Variants in ST18 observed in about 807,000 individuals in gnomAD.
ST18 encodes ST18 C2H2C-type zinc finger transcription factor, also known as suppression of tumorigenicity 18 protein.
A neutral mutation model predicts 110.0 loss-of-function variants in ST18; 50 were observed. That is an observed-to-expected ratio of 0.45 (90% CI 0.36 to 0.58). The LOEUF (loss-of-function observed/expected upper bound fraction) is 0.58. Among genes scored for constraint, ST18 ranks in the 20% least tolerant of loss-of-function variants. ST18 has a pLI of 0.00. For synonymous variants in ST18, 461 were observed against 452.4 expected (o/e 1.02, Z -0.24); for missense variants, 1,306 against 1,280.1 (o/e 1.02, Z -0.31).
chr8:52,327,859 T>C (rs1368793552), intron 2 of ST18, among the ~76,000 whole-genome samples: 2 of 152,216 alleles, frequency 1.3e-5, no homozygotes. Context: ...CCATTTTAGC[T>C]GTAATTCAGG....
At chr8:52,271,013 C>T (rs1265836428) in intron 2 of ST18, among the ~76,000 whole-genome samples, 5 of 151,942 alleles carry the variant, frequency 3.3e-5, no homozygotes, top group Non-Finnish European at 5.9e-5. Context: ...ATTCTCCTGC[C>T]TCAGCCTCCC....
chr8:52,346,233 C>T (rs1371984056), intron 2 of ST18, among the ~76,000 whole-genome samples: 2 of 150,822 alleles, frequency 1.3e-5, no homozygotes, highest in African/African-American at 2.4e-5. Flanking sequence ...AGAGGACTCT[C>T]TGAAAATTTA....
chr8:52,154,681 A>T (rs2059603109), intron 15 of ST18: 1 of 152,168 alleles, frequency 6.6e-6, no homozygotes. Flanking sequence ...TATTAATTCC[A>T]AATTAAAATG....
chr8:52,377,349 T>C (rs1319848980), intron 2 of ST18, among the ~76,000 whole-genome samples: 1 of 152,216 alleles, frequency 6.6e-6, no homozygotes, highest in African/African-American at 2.4e-5. Flanking sequence ...TAGATCTATG[T>C]GGTGACTGAT....
chr8:52,255,377 C>A (rs1349892209), intron 2 of ST18, among the ~76,000 whole-genome samples: 1 of 152,144 alleles, frequency 6.6e-6, no homozygotes, highest in Admixed American at 6.5e-5. Context: ...AAAAGGCAGT[C>A]TATCCTCCCA....
intron 2 of ST18, among the ~76,000 whole-genome samples, chr8:52,295,963 G>T (rs976027503): frequency 6.6e-6 from 1 of 151,786 alleles, no homozygotes; most frequent in African/African-American, 2.4e-5. Flanking sequence ...GGGATGAGTG[G>T]TGGCAGCCAG....
chr8:52,386,460 T>G (rs912175731), intron 2 of ST18, among the ~76,000 whole-genome samples: 2 of 150,138 alleles, frequency 1.3e-5, no homozygotes, highest in Admixed American at 6.7e-5. Context: ...GGCAGTCTTG[T>G]TTTTTTTTCT....
chr8:52,394,022 G>T (rs536207709), intron 2 of ST18: 2 of 152,256 alleles, frequency 1.3e-5, no homozygotes, highest in Admixed American at 6.5e-5. Context: ...CTACTGCCAA[G>T]ATCATCTAAG....
chr8:52,176,270 G>A (rs1039022078), intron 9 of ST18, among the ~76,000 whole-genome samples: 6 of 152,200 alleles, frequency 3.9e-5, no homozygotes, highest in Admixed American at 2.6e-4. Context: ...TGATCCGCCC[G>A]CCTCGGCCTC....
chr8:52,305,723 C>G (rs1482357238), intron 2 of ST18, among the ~76,000 whole-genome samples: 1 of 152,162 alleles, frequency 6.6e-6, no homozygotes, highest in Non-Finnish European at 1.5e-5. Context: ...ATCCTCTGGG[C>G]TCTTCCTTCA....
At position 52,290,925 on chromosome 8, in the gene ST18, G is replaced by A. The variant is rs868134247; in HGVS notation, c.-464-60848C>T. Among the ~76,000 whole-genome samples the A allele has an allele frequency of 7.9e-5, 12 of 152,286 alleles. No homozygotes were observed. In the East Asian group the frequency reaches 1.2e-3, roughly 15 times the overall value. On this transcript the variant is annotated intron_variant, in intron 2 of 25. Transcript: ENST00000689386. ...ACCAATCGTTCCCCCGGTGAACACC[G>A]TGTTGCAGATCTCCTGGTGGTCAGT...
Position 52,112,082 on chromosome 8 carries a change from G to A in ST18, c.*1116C>T, listed in dbSNP as rs1563437327. 1 of 152,584 alleles carries A rather than the reference G, an allele frequency of 6.6e-6. No individual in the cohort carries two copies. Among genetic ancestry groups the A allele is most frequent in the African/African-American group, 2.4e-5 (1 of 41,430 alleles). 9.5% of individuals were successfully genotyped at this position (152,584 alleles called of 1,614,324 possible). The stretch of plus-strand genomic sequence containing the variant: ...AATGTTGTCTTGTTTCCTATGGTGG[G>A]TGAGACCCAAGGTGCCAGTGTTTGA... On this transcript the variant is annotated 3_prime_UTR_variant, in exon 26 of 26. Coordinates refer to ENST00000689386, the MANE Select transcript of ST18 (RefSeq NM_001352837.2).
chr8:52,368,567 C>A (rs1041852352), intron 2 of ST18, among the ~76,000 whole-genome samples: 5 of 152,150 alleles, frequency 3.3e-5, no homozygotes, highest in African/African-American at 1.2e-4. Flanking sequence ...ATGCTTAGTT[C>A]TTTCTGTATA....
chr8:52,306,787 G>A (rs1174124853), intron 2 of ST18, among the ~76,000 whole-genome samples: 1 of 152,080 alleles, frequency 6.6e-6, no homozygotes, highest in Non-Finnish European at 1.5e-5. Context: ...TAATATAGAT[G>A]AAAGAAAGAA....
intron 19 of ST18, among the ~76,000 whole-genome samples, chr8:52,134,940 C>A (rs182561045): frequency 2.0e-5 from 3 of 152,002 alleles, no homozygotes; most frequent in Non-Finnish European, 4.4e-5. Context: ...ATGGAAAAAA[C>A]CAAAGACATT....
intron 2 of ST18, among the ~76,000 whole-genome samples, chr8:52,268,468 C>CGTCTATCT (rs57241279): frequency 1.3e-5 from 2 of 148,722 alleles, no homozygotes; most frequent in East Asian, 2.0e-4. Flanking sequence ...ATCTATCTAT[C>CGTCTATCT]ATCTATCTAT....
At chr8:52,273,389 A>G (rs964074291) in intron 2 of ST18, among the ~76,000 whole-genome samples, 1 of 152,242 alleles carries the variant, frequency 6.6e-6, no homozygotes, top group African/African-American at 2.4e-5. Flanking sequence ...GTTGTAATTC[A>G]TAGGAGATCT....
chr8:52,403,116 GATGGGGGAA>G (rs539933224), intron 2 of ST18, among the ~76,000 whole-genome samples: 47 of 152,280 alleles, frequency 3.1e-4, no homozygotes, highest in African/African-American at 1.1e-3. Flanking sequence ...TAGCAACTTG[GATGGGGGAA>G]ATGGGGTGGC....
rs149951567 is a variant in ST18, at chr8:52,121,091, G to T, written c.2756-2650C>A. Among the ~76,000 whole-genome samples the T allele has an allele frequency of 4.2e-3, 640 of 152,312 alleles. 6 individuals carry two copies. Among genetic ancestry groups the T allele is most frequent in the African/African-American group, 0.014 (571 of 41,582 alleles). On this transcript the variant is annotated intron_variant, in intron 23 of 25. Coordinates refer to ENST00000689386, the MANE Select transcript of ST18 (RefSeq NM_001352837.2). ...AATTTTGGCTAAGTTATGAGTGCTTGTGAGAAGACTGTTTAAGTGACAGCC... is the reference window on the plus strand; with the variant it reads ...AATTTTGGCTAAGTTATGAGTGCTTTTGAGAAGACTGTTTAAGTGACAGCC...
Sources: allele counts gnomAD v4.1 joint callset (sites outside exome capture counted in the v4.1 genomes callset), GRCh38; gene constraint gnomAD v4.1.1; transcripts MANE v1.5; gene names NCBI Gene and HGNC (gene_info 2026-07-23, HGNC 2026-07-21).